NSG1: variants seen among roughly 807,000 people sequenced by gnomAD.
The protein encoded by NSG1 is neuronal vesicle trafficking-associated protein 1.
NSG1 carries 9 observed loss-of-function variants against 19.3 expected under a neutral mutation model. That is an observed-to-expected ratio of 0.47 (90% CI 0.28 to 0.81). The LOEUF (loss-of-function observed/expected upper bound fraction) is 0.81. Ranked by LOEUF, NSG1 falls within the 40% of genes least tolerant of loss-of-function variation. NSG1 has a pLI of 0.11. For missense variants in NSG1, 236 were observed against 242.4 expected, an observed-to-expected ratio of 0.97 and a Z score of 0.18; for synonymous variants, 104 against 107.0, an observed-to-expected ratio of 0.97 and a Z score of 0.17.
chr4:4,409,813 A>G, intron 4 of NSG1, 130 bp downstream of exon 4: 2 of 702,616 alleles, frequency 2.8e-6, no homozygotes, highest in Non-Finnish European at 5.0e-6. Context: ...GCAGGGGGCC[A>G]GTGTCAGGAG....
At chr4:4,415,927 C>G (rs572555206) in intron 4 of NSG1, 1 of 598,946 alleles carries the variant, frequency 1.7e-6, no homozygotes, top group East Asian at 2.8e-5. Context: ...CGCTGCTGGT[C>G]TGAATGGGCT....
At chr4:4,413,606 G>C (rs1282112654) in intron 4 of NSG1, among the ~76,000 whole-genome samples, 3 of 151,196 alleles carry the variant, frequency 2.0e-5, no homozygotes, top group East Asian at 2.0e-4. Context: ...GGACGTGCTG[G>C]TGGGGGTGTG....
intron 4 of NSG1, among the ~76,000 whole-genome samples, chr4:4,412,448 A>G (rs1724262555): frequency 6.6e-6 from 1 of 151,508 alleles, no homozygotes; most frequent in South Asian, 2.1e-4. Context: ...TTCTGGAGTG[A>G]TGTCCTGTGG....
intron 2 of NSG1, among the ~76,000 whole-genome samples, chr4:4,390,954 T>C (rs987009341): frequency 4.7e-5 from 7 of 149,734 alleles, no homozygotes; most frequent in African/African-American, 1.7e-4. Flanking sequence ...GATGTGGGGG[T>C]GGAGACAAAG....
chr4:4,403,336 C>T (rs1477167907), intron 3 of NSG1, among the ~76,000 whole-genome samples: 1 of 152,222 alleles, frequency 6.6e-6, no homozygotes, highest in African/African-American at 2.4e-5. Flanking sequence ...TGTGCCGGGC[C>T]CTGCTCTGTC....
At chr4:4,398,077 C>G (rs925154344) in intron 3 of NSG1, among the ~76,000 whole-genome samples, 1 of 152,182 alleles carries the variant, frequency 6.6e-6, no homozygotes, top group Non-Finnish European at 1.5e-5. Flanking sequence ...GCCTCAGCCT[C>G]CTAAGTAGCT....
At chr4:4,393,492 C>T (rs922215657) in intron 3 of NSG1, among the ~76,000 whole-genome samples, 7 of 152,218 alleles carry the variant, frequency 4.6e-5, no homozygotes, top group Non-Finnish European at 4.4e-5. Flanking sequence ...TGATTATGCT[C>T]ATCCCAATAG....
At chr4:4,411,818 T>C (rs967698995) in intron 4 of NSG1, among the ~76,000 whole-genome samples, 30 of 128,420 alleles carry the variant, frequency 2.3e-4, no homozygotes, top group Non-Finnish European at 4.2e-4. Context: ...GAATCTCTCT[T>C]GGAGGAGCTC....
intron 3 of NSG1, among the ~76,000 whole-genome samples, chr4:4,401,020 T>A (rs1307615607): frequency 6.6e-6 from 1 of 152,226 alleles, no homozygotes; most frequent in East Asian, 1.9e-4. Flanking sequence ...GGTGGAGCCC[T>A]GCACCCGCTG....
chr4:4,415,766 C>G (rs529009152), intron 4 of NSG1: 1 of 279,396 alleles, frequency 3.6e-6, no homozygotes, highest in African/African-American at 2.3e-5. Context: ...CAGGACTCTG[C>G]TGGGTGCCGA....
intron 2 of NSG1, among the ~76,000 whole-genome samples, chr4:4,390,838 T>G (rs1007549497): frequency 1.3e-5 from 2 of 151,214 alleles, no homozygotes; most frequent in Middle Eastern, 3.4e-3. Flanking sequence ...ATGCAAGGGC[T>G]GGTTTCCAGG....
At chr4:4,416,008 AG>A (rs1471273531) in intron 4 of NSG1, 3 of 678,884 alleles carry the variant, frequency 4.4e-6, no homozygotes, top group Admixed American at 2.1e-5. Flanking sequence ...TGTTGATAAA[AG>A]GGCTGTACTT....
chr4:4,418,417 G>GA lies in NSG1; in HGVS notation c.*985dup, dbSNP rs1184686225. 6.7e-6 allele frequency: 1 copy of GA among 148,334 alleles called. No individual in the cohort carries two copies. Among genetic ancestry groups the GA allele is most frequent in the Non-Finnish European group, 1.5e-5 (1 of 67,134 alleles). The allele number at this position is 148,334 out of a possible 1,614,324, so 9.2% of individuals were successfully genotyped here. On this transcript the variant is annotated 3_prime_UTR_variant, in exon 5 of 5. Transcript: ENST00000621129. ...ATCCCTTGATGTGGGAAACAGGCAG[G>GA]AAAGGCTGTGGGGTGGGGGTGGGGG...
intron 4 of NSG1, among the ~76,000 whole-genome samples, chr4:4,413,732 G>A (rs1334062088): frequency 6.6e-6 from 1 of 151,818 alleles, no homozygotes; most frequent in Admixed American, 6.6e-5. Context: ...GGAAGTGATA[G>A]GGTGACCTCT....
At chr4:4,412,825 C>A (rs149754022) in intron 4 of NSG1, among the ~76,000 whole-genome samples, 1 of 152,292 alleles carries the variant, frequency 6.6e-6, no homozygotes, top group African/African-American at 2.4e-5. Context: ...GCAGGAGAAG[C>A]CAACTGTTTC....
Position 4,409,608 on chromosome 4 carries a change from C to T in NSG1, c.282C>T (p.Leu94=), listed in dbSNP as rs200102172. 174 of 1,614,170 alleles carry T rather than the reference C, an allele frequency of 1.1e-4. No individual in the cohort carries two copies. Among genetic ancestry groups the T allele is most frequent in the Admixed American group, 1.0e-3 (63 of 60,030 alleles). The stretch of plus-strand genomic sequence containing the variant: ...TGGTCCTCTTCGCCCTGGCCTTCCT[C>T]ACCTGCGTCGTCTTCCTGGTTGTCT... The part of the protein sequence containing the change: ...SVLVLFALAF[L]TCVVFLVVYK... Residue 94 remains leucine (L), a synonymous_variant, in exon 4 of 5, where the codon CTC becomes CTT. Transcript: ENST00000621129.
At chr4:4,406,775 A>C (rs1723882142) in intron 3 of NSG1, among the ~76,000 whole-genome samples, 1 of 152,190 alleles carries the variant, frequency 6.6e-6, no homozygotes, top group African/African-American at 2.4e-5. Context: ...ACTCCCGGCC[A>C]GTGAGCTAGA....
intron 4 of NSG1, among the ~76,000 whole-genome samples, chr4:4,416,641 C>G (rs1263258546): frequency 2.6e-5 from 4 of 152,162 alleles, no homozygotes; most frequent in Non-Finnish European, 5.9e-5. Context: ...TCTGTAAGAC[C>G]CAAGTGCTGT....
At chr4:4,407,350 G>T (rs1224565646) in intron 3 of NSG1, among the ~76,000 whole-genome samples, 1 of 152,140 alleles carries the variant, frequency 6.6e-6, no homozygotes, top group African/African-American at 2.4e-5. Context: ...ACACAGAGGG[G>T]ACAGGTCTCA....
Sources: gnomAD v4.1 joint callset for allele counts (sites outside exome capture counted in the v4.1 genomes callset) on GRCh38, gnomAD v4.1.1 for gene constraint, MANE v1.5 for transcripts, NCBI Gene and HGNC (gene_info 2026-07-23, HGNC 2026-07-21) for gene names.